PGRMC2: variants seen among roughly 807,000 people sequenced by gnomAD.
PGRMC2 encodes the protein membrane-associated progesterone receptor component 2.
A neutral mutation model predicts 19.3 loss-of-function variants in PGRMC2; 9 were observed. That is an observed-to-expected ratio of 0.47 (90% CI 0.28 to 0.81). PGRMC2 has a LOEUF of 0.81. Ranked by LOEUF, PGRMC2 falls within the 40% of genes least tolerant of loss-of-function variation. PGRMC2 has a pLI of 0.11. For synonymous variants in PGRMC2, 157 were observed against 124.6 expected, an observed-to-expected ratio of 1.26 and a Z score of -1.73; for missense variants, 289 against 297.3, an observed-to-expected ratio of 0.97 and a Z score of 0.21.
chr4:128,269,995 G>A lies in PGRMC2; in HGVS notation c.*1321C>T, dbSNP rs1263092930. 6.6e-6 allele frequency: 1 copy of A among 152,640 alleles called. No homozygotes were observed. Among genetic ancestry groups the A allele is most frequent in the Admixed American group, 6.5e-5 (1 of 15,286 alleles). The allele number at this position is 152,640 out of a possible 1,614,324, so 9.5% of individuals were successfully genotyped here. On this transcript the variant is annotated 3_prime_UTR_variant, in exon 3 of 3. Transcript: ENST00000296425. ...ATTTCTTCCTAAAGTTATGCTGAAT[G>A]TGGTACAATGTGTACAACTTGGTTA...
Position 128,287,599 on chromosome 4 carries a change from C to G in PGRMC2, c.192G>C (p.Val64=). Residue 64 remains valine, a synonymous_variant, in exon 1 of 3, where the codon GTG becomes GTC. Transcript: ENST00000296425. ...MLLNVALVAL[V]LLGAYRLWVR... ...CCCACAGCCGGTAGGCCCCCAGCAGCACCAGAGCCACCAGCGCCACGTTCA... is the reference window on the plus strand; with the variant it reads ...CCCACAGCCGGTAGGCCCCCAGCAGGACCAGAGCCACCAGCGCCACGTTCA... 1.3e-6 allele frequency: 2 copies of G among 1,536,414 alleles called. No homozygotes were observed.
Position 128,271,337 on chromosome 4 carries a change from C to T in PGRMC2, c.651G>A (p.Lys217=). The change falls in exon 3 of 3, where the codon AAG becomes AAA. Residue 217 remains lysine, a synonymous_variant. Coordinates refer to ENST00000296425, the MANE Select transcript of PGRMC2 (RefSeq NM_006320.6). ...AAGTTCAATCCTGTTTATTGTGATC[C>T]TTGGTATCTTCTTCATCTGTATATT... ...PSEYTDEEDT[K]DHNKQD is the part of the protein sequence containing the mutation. 6.3e-7 allele frequency: 1 copy of T among 1,597,144 alleles called. No individual in the cohort carries two copies.
intron 1 of PGRMC2, among the ~76,000 whole-genome samples, chr4:128,284,242 A>T (rs189126992): frequency 3.9e-4 from 60 of 152,320 alleles, no homozygotes; most frequent in African/African-American, 1.3e-3. Flanking sequence ...AGTATAGATA[A>T]GCTGTGTGGT....
rs1761004040 is a variant in PGRMC2, at chr4:128,287,520, G to A, written c.271C>T (p.Pro91Ser). ...TTCATGCGAGGCAGAGAGGTGGCGG[G>A]GCTCTCCTCGCCCGCCCCGGCCCCG... ...GAGAGAGEESPATSLPRMKKR... is the reference protein window; with the variant it reads ...GAGAGAGEESSATSLPRMKKR... The change falls in exon 1 of 3, where the codon CCC (proline) becomes TCC (serine). Residue 91 changes from proline to serine, a missense_variant. Transcript: ENST00000296425. 1.3e-6 allele frequency: 2 copies of A among 1,599,718 alleles called. No homozygotes were observed. The highest frequency in any genetic ancestry group is 1.7e-5 in the Admixed American group (1 of 58,374).
chr4:128,280,342 A>T (rs1488171976), intron 1 of PGRMC2, among the ~76,000 whole-genome samples: 1 of 144,232 alleles, frequency 6.9e-6, no homozygotes, highest in Non-Finnish European at 1.5e-5. Context: ...AAGTAACAGC[A>T]AATTTTCTGG....
At chr4:128,273,851 A>G (rs768709114) in intron 1 of PGRMC2, among the ~76,000 whole-genome samples, 1 of 152,216 alleles carries the variant, frequency 6.6e-6, no homozygotes, top group Non-Finnish European at 1.5e-5. Context: ...CATTCTCTGA[A>G]AAGTTTACTG....
intron 1 of PGRMC2, among the ~76,000 whole-genome samples, chr4:128,274,368 G>T (rs146887949): frequency 0.033 from 5,007 of 152,026 alleles, 262 homozygotes; most frequent in African/African-American, 0.11. Flanking sequence ...AAAATTAGCC[G>T]GCTGTGGTGG....
At chr4:128,280,171 A>T (rs887730291) in intron 1 of PGRMC2, among the ~76,000 whole-genome samples, 3 of 152,034 alleles carry the variant, frequency 2.0e-5, no homozygotes, top group African/African-American at 7.2e-5. Context: ...GGCACATATA[A>T]CAGATACAGA....
intron 1 of PGRMC2, among the ~76,000 whole-genome samples, chr4:128,276,659 GTTA>G (rs1162998426): frequency 1.3e-5 from 2 of 152,036 alleles, no homozygotes; most frequent in Non-Finnish European, 2.9e-5. Context: ...ACATGATCTG[GTTA>G]TTTTTTATTA....
intron 1 of PGRMC2, among the ~76,000 whole-genome samples, chr4:128,277,254 A>C (rs1027416079): frequency 9.9e-5 from 15 of 152,218 alleles, no homozygotes; most frequent in South Asian, 4.1e-4. Context: ...TTTCAGTGTC[A>C]ATCCAACTTG....
Position 128,287,362 on chromosome 4 carries a change from C to T in PGRMC2, c.418+11G>A. On this transcript the variant is annotated intron_variant, in intron 1 of 2. Transcript: ENST00000296425. ...GCAGGGGGTCCTTCCCCTCCCCTTC[C>T]AACTCCTCACCCGGGCCGTAGAACT... The T allele has an allele frequency of 6.3e-7, 1 of 1,588,954 alleles. No individual in the cohort carries two copies. The highest frequency in any genetic ancestry group is 8.6e-7 in the Non-Finnish European group (1 of 1,162,966).
chr4:128,273,348 C>T (rs1760760734), intron 1 of PGRMC2, among the ~76,000 whole-genome samples: 1 of 152,138 alleles, frequency 6.6e-6, no homozygotes, highest in African/African-American at 2.4e-5. Context: ...GATGTGTTGA[C>T]AAAAACCATT....
intron 1 of PGRMC2, among the ~76,000 whole-genome samples, chr4:128,284,956 C>A (rs1408555092): frequency 6.6e-6 from 1 of 152,140 alleles, no homozygotes; most frequent in African/African-American, 2.4e-5. Context: ...ATTCAAATAT[C>A]TGTTATGTTG....
chr4:128,287,781 C>T lies in PGRMC2; in HGVS notation c.10G>A (p.Gly4Ser). 1.3e-6 allele frequency: 2 copies of T among 1,486,422 alleles called. No individual in the cohort carries two copies. Among genetic ancestry groups the T allele is most frequent in the Non-Finnish European group, 1.8e-6 (2 of 1,086,042 alleles). 92.1% of individuals were successfully genotyped at this position (1,486,422 alleles called of 1,614,324 possible). Residue 4 changes from glycine (G) to serine (S), a missense_variant, in exon 1 of 3, where the codon GGT (glycine) becomes AGT (serine). Coordinates refer to ENST00000296425, the MANE Select transcript of PGRMC2 (RefSeq NM_006320.6). The stretch of plus-strand genomic sequence containing the variant: ...GTGCCTAGCTTCACGTCCCCATCAC[C>T]AGCCGCCATCACTGCCCGCCAGCGC... MAAGDGDVKLGTLG... is the reference protein window; with the variant it reads MAASDGDVKLGTLG...
At chr4:128,280,045 G>T (rs1218255849) in intron 1 of PGRMC2, among the ~76,000 whole-genome samples, 2 of 151,746 alleles carry the variant, frequency 1.3e-5, no homozygotes, top group Admixed American at 1.3e-4. Flanking sequence ...CACAACTTAG[G>T]GCTCATGGAA....
Position 128,269,758 on chromosome 4 carries a change from T to C in PGRMC2, c.*1558A>G, listed in dbSNP as rs1760698410. 1 of 152,146 alleles carries C rather than the reference T, an allele frequency of 6.6e-6. No individual in the cohort carries two copies. Among genetic ancestry groups the C allele is most frequent in the African/African-American group, 2.4e-5 (1 of 41,440 alleles). 9.4% of individuals were successfully genotyped at this position (152,146 alleles called of 1,614,324 possible). ...TAAAGTAATTGATATATGAGGGGCT[T>C]TTAGTAAGGGCTTTTTCAACCTAAT... On this transcript the variant is annotated 3_prime_UTR_variant, in exon 3 of 3. Coordinates refer to ENST00000296425, the MANE Select transcript of PGRMC2 (RefSeq NM_006320.6).
intron 1 of PGRMC2, among the ~76,000 whole-genome samples, chr4:128,275,726 T>A (rs575719534): frequency 7.9e-5 from 12 of 152,210 alleles, no homozygotes; most frequent in Admixed American, 2.0e-4. Flanking sequence ...ATTAAAAAAA[T>A]TTTTTTTGTT....
chr4:128,286,632 G>A (rs1760987002), intron 1 of PGRMC2: 3 of 398,462 alleles, frequency 7.5e-6, no homozygotes, highest in Middle Eastern at 6.3e-4. Flanking sequence ...CTGGGTATAG[G>A]AGCTCCACCC....
At chr4:128,285,363 T>C (rs1346906379) in intron 1 of PGRMC2, among the ~76,000 whole-genome samples, 1 of 152,102 alleles carries the variant, frequency 6.6e-6, no homozygotes. Flanking sequence ...TCCTGACCTC[T>C]GGTGATCCAC....
Sources: allele counts gnomAD v4.1 joint callset (sites outside exome capture counted in the v4.1 genomes callset), GRCh38; gene constraint gnomAD v4.1.1; transcripts MANE v1.5; gene names NCBI Gene and HGNC (gene_info 2026-07-23, HGNC 2026-07-21).